NELL2: variants seen among roughly 807,000 people sequenced by gnomAD.
The protein encoded by NELL2 is protein kinase C-binding protein NELL2.
A neutral mutation model predicts 109.6 loss-of-function variants in NELL2; 41 were observed. The observed-to-expected ratio is 0.37, with a 90% CI of 0.29 to 0.49. NELL2 has a LOEUF of 0.49. Among genes scored for constraint, NELL2 ranks in the 20% least tolerant of loss-of-function variants. NELL2 has a pLI of 0.98. For missense variants in NELL2, 900 were observed against 1,008.3 expected (o/e 0.89, Z 1.45); for synonymous variants, 355 against 344.7 (o/e 1.03, Z -0.33).
At chr12:44,615,219 A>G (rs150137251) in intron 13 of NELL2, among the ~76,000 whole-genome samples, 1 of 152,154 alleles carries the variant, frequency 6.6e-6, no homozygotes. Flanking sequence ...AGAACAAAGA[A>G]TTTGACATGG....
In NELL2 at chr12:44,867,379, C is replaced by T. The variant is rs1182508511; in HGVS notation, c.184+7846G>A. Among the ~76,000 whole-genome samples, 4 of 152,212 alleles carry T rather than the reference C, an allele frequency of 2.6e-5. No individual in the cohort carries two copies. The East Asian group carries it at 7.7e-4, about 29-fold the overall frequency. ...AAATTAACAGAATAAAGGACAAAATCCACATGATCATTTCAACATATGCAG... is the reference window on the plus strand; with the variant it reads ...AAATTAACAGAATAAAGGACAAAATTCACATGATCATTTCAACATATGCAG... On this transcript the variant is annotated intron_variant, in intron 2 of 19. Transcript: ENST00000429094.
At chr12:44,531,146 C>A (rs1942035310) in intron 16 of NELL2, among the ~76,000 whole-genome samples, 1 of 152,032 alleles carries the variant, frequency 6.6e-6, no homozygotes, top group Admixed American at 6.5e-5. Context: ...ACATAGGTAA[C>A]CCCTAGAGGA....
At chr12:44,720,204 A>T (rs1257697014) in intron 9 of NELL2, among the ~76,000 whole-genome samples, 2 of 152,110 alleles carry the variant, frequency 1.3e-5, no homozygotes, top group Non-Finnish European at 2.9e-5. Context: ...ACACTTTTTC[A>T]TCTTTCTTAT....
intron 13 of NELL2, among the ~76,000 whole-genome samples, chr12:44,648,727 ATATATTT>A (rs1375782283): frequency 9.8e-5 from 10 of 101,806 alleles, no homozygotes; most frequent in African/African-American, 3.8e-4. Context: ...ATATATATAT[ATATATTT>A]TTTTTTTTTT....
intron 15 of NELL2, among the ~76,000 whole-genome samples, chr12:44,601,482 T>A (rs1290621729): frequency 6.6e-6 from 1 of 152,174 alleles, no homozygotes; most frequent in Non-Finnish European, 1.5e-5. Flanking sequence ...AATTAAACAT[T>A]TTAAACCACT....
At chr12:44,544,546 G>T (rs1319385327) in intron 15 of NELL2, among the ~76,000 whole-genome samples, 4 of 151,980 alleles carry the variant, frequency 2.6e-5, no homozygotes, top group Non-Finnish European at 5.9e-5. Context: ...TGTAAGAAAG[G>T]GTGCTGGAAA....
intron 12 of NELL2, among the ~76,000 whole-genome samples, chr12:44,688,631 G>A (rs1437421316): frequency 6.6e-6 from 1 of 152,186 alleles, no homozygotes; most frequent in Non-Finnish European, 1.5e-5. Context: ...CTTGGGCAAT[G>A]TTCTTTCCAT....
At chr12:44,640,295 C>A (rs1022799521) in intron 13 of NELL2, among the ~76,000 whole-genome samples, 1 of 152,162 alleles carries the variant, frequency 6.6e-6, no homozygotes, top group African/African-American at 2.4e-5. Flanking sequence ...AACAACCCCA[C>A]AAGGTAGATG....
chr12:44,868,385 G>A (rs537381674), intron 2 of NELL2, among the ~76,000 whole-genome samples: 1 of 151,988 alleles, frequency 6.6e-6, no homozygotes, highest in Non-Finnish European at 1.5e-5. Flanking sequence ...GATTTACTGC[G>A]ACCCTTATTA....
rs529085838 is a variant in NELL2, at chr12:44,726,103, AAG to A, written c.995-11364_995-11363del. On this transcript the variant is annotated intron_variant, in intron 9 of 19. Transcript: ENST00000429094. ...ATTATTACTGTAAAAAGTAATTGAC[AAG>A]AGAGTCCTTCAATAAATAATTTAAA... Among the ~76,000 whole-genome samples the A allele has an allele frequency of 2.0e-3, 308 of 152,272 alleles. 1 individual carries two copies. Among genetic ancestry groups the A allele is most frequent in the Non-Finnish European group, 3.6e-3 (243 of 68,008 alleles).
intron 9 of NELL2, among the ~76,000 whole-genome samples, chr12:44,765,387 T>C (rs113967468): frequency 6.6e-6 from 1 of 152,032 alleles, no homozygotes; most frequent in East Asian, 1.9e-4. Flanking sequence ...AACTAAAGTA[T>C]ACAGTCAATA....
At chr12:44,619,544 C>T (rs574976299) in intron 13 of NELL2, among the ~76,000 whole-genome samples, 1 of 151,720 alleles carries the variant, frequency 6.6e-6, no homozygotes, top group South Asian at 2.1e-4. Flanking sequence ...CTTTTCCATT[C>T]GAGTTAGATT....
intron 15 of NELL2, among the ~76,000 whole-genome samples, chr12:44,566,155 A>G (rs1462345602): frequency 6.6e-6 from 1 of 152,174 alleles, no homozygotes; most frequent in Non-Finnish European, 1.5e-5. Flanking sequence ...TTTGAATTAC[A>G]AAGTAATTCA....
intron 15 of NELL2, among the ~76,000 whole-genome samples, chr12:44,588,892 T>C (rs1006565068): frequency 6.6e-6 from 1 of 152,222 alleles, no homozygotes; most frequent in African/African-American, 2.4e-5. Flanking sequence ...TGGTAACATC[T>C]AATCGACTTT....
chr12:44,810,913 G>A (rs1164952237), intron 3 of NELL2, among the ~76,000 whole-genome samples: 1 of 152,008 alleles, frequency 6.6e-6, no homozygotes, highest in Non-Finnish European at 1.5e-5. Context: ...ATCAGAAGCA[G>A]TAAATGATAT....
intron 13 of NELL2, among the ~76,000 whole-genome samples, chr12:44,649,359 A>G (rs1352328334): frequency 1.3e-5 from 2 of 152,274 alleles, no homozygotes; most frequent in East Asian, 3.9e-4. Context: ...AGAAGCCAAA[A>G]GAGGCAAGAT....
At chr12:44,802,033 A>G (rs1012981524) in intron 3 of NELL2, among the ~76,000 whole-genome samples, 14 of 152,052 alleles carry the variant, frequency 9.2e-5, no homozygotes, top group Non-Finnish European at 1.8e-4. Context: ...CTTCTGCCCA[A>G]TCTTTATTTT....
intron 9 of NELL2, among the ~76,000 whole-genome samples, chr12:44,722,422 TC>T (rs1938827239): frequency 6.6e-6 from 1 of 152,160 alleles, no homozygotes; most frequent in African/African-American, 2.4e-5. Context: ...AACCTTGACC[TC>T]CCAAAGTGCT....
chr12:44,752,827 T>C (rs1261304692), intron 9 of NELL2, among the ~76,000 whole-genome samples: 1 of 152,192 alleles, frequency 6.6e-6, no homozygotes, highest in Non-Finnish European at 1.5e-5. Context: ...TTCAGTCGAT[T>C]GCCAAGTCAT....
Sources: allele counts gnomAD v4.1 joint callset (sites outside exome capture counted in the v4.1 genomes callset), GRCh38; gene constraint gnomAD v4.1.1; transcripts MANE v1.5; gene names NCBI Gene and HGNC (gene_info 2026-07-23, HGNC 2026-07-21).